Variants in CLMP observed in about 807,000 individuals in gnomAD.
CLMP encodes the protein CXADR like cell adhesion molecule, also known as CXADR-like membrane protein.
CLMP carries 27 observed loss-of-function variants against 45.2 expected under a neutral mutation model. The observed-to-expected ratio is 0.60, with a 90% CI of 0.44 to 0.82. CLMP has a LOEUF of 0.82. Ranked by LOEUF, CLMP falls within the 40% of genes least tolerant of loss-of-function variation. CLMP has a pLI of 0.00. For missense variants in CLMP, 403 were observed against 448.4 expected (o/e 0.90, Z 0.91); for synonymous variants, 167 against 171.4 (o/e 0.97, Z 0.20).
At chr11:123,077,790 G>A (rs1296394243) in intron 5 of CLMP, among the ~76,000 whole-genome samples, 1 of 152,262 alleles carries the variant, frequency 6.6e-6, no homozygotes, top group South Asian at 2.1e-4. Context: ...TGGAAATTTA[G>A]GTCACTTTCA....
intron 1 of CLMP, among the ~76,000 whole-genome samples, chr11:123,189,236 G>A: frequency 6.6e-6 from 1 of 152,098 alleles, no homozygotes. Flanking sequence ...CTCTGCTTCA[G>A]CCTGATCCAC....
At chr11:123,190,132 G>T (rs986406116) in intron 1 of CLMP, among the ~76,000 whole-genome samples, 1 of 152,142 alleles carries the variant, frequency 6.6e-6, no homozygotes, top group Middle Eastern at 3.2e-3. Flanking sequence ...TTAAGATGAG[G>T]TCCTTTTGGT....
At chr11:123,148,418 T>C (rs1361752405) in intron 1 of CLMP, among the ~76,000 whole-genome samples, 1 of 152,220 alleles carries the variant, frequency 6.6e-6, no homozygotes, top group Non-Finnish European at 1.5e-5. Context: ...CATGCAAGAA[T>C]GTACCTGCCT....
intron 1 of CLMP, among the ~76,000 whole-genome samples, chr11:123,137,966 T>G (rs1861102971): frequency 1.3e-5 from 2 of 152,116 alleles, no homozygotes; most frequent in South Asian, 4.1e-4. Flanking sequence ...TTTTATTTTT[T>G]TTTTAATTTG....
At chr11:123,101,950 A>G (rs1416942281) in intron 1 of CLMP, among the ~76,000 whole-genome samples, 1 of 152,176 alleles carries the variant, frequency 6.6e-6, no homozygotes, top group African/African-American at 2.4e-5. Flanking sequence ...TTGGGAGGCC[A>G]GAGTGGGTGG....
intron 1 of CLMP, among the ~76,000 whole-genome samples, chr11:123,143,520 G>A (rs1391318701): frequency 6.7e-6 from 1 of 148,598 alleles, no homozygotes; most frequent in Admixed American, 6.8e-5. Context: ...CCTATGGGGG[G>A]CGGGGGGGGC....
intron 2 of CLMP, among the ~76,000 whole-genome samples, chr11:123,085,493 C>A (rs957357513): frequency 5.3e-5 from 8 of 151,602 alleles, no homozygotes; most frequent in African/African-American, 1.9e-4. Flanking sequence ...AGGTGATCCA[C>A]CCTCCTTGGC....
chr11:123,188,003 C>T (rs1861855701), intron 1 of CLMP, among the ~76,000 whole-genome samples: 1 of 152,244 alleles, frequency 6.6e-6, no homozygotes, highest in Admixed American at 6.5e-5. Context: ...GCAGCCAGCA[C>T]ATAATGAAGC....
Position 123,195,002 on chromosome 11 carries a change from C to A in CLMP, c.-62G>T, listed in dbSNP as rs1443394561. ...GCTGCTTGGCTCCGGGGCGGCCGGG[C>A]GCCTCCGACGGACCTCGGGCGAGCT... On this transcript the variant is annotated 5_prime_UTR_variant, in exon 1 of 7. Coordinates refer to ENST00000448775, the MANE Select transcript of CLMP (RefSeq NM_024769.5). The A allele has an allele frequency of 1.0e-5, 16 of 1,555,944 alleles. No homozygotes were observed. The highest frequency in any genetic ancestry group is 2.5e-5 in the East Asian group (1 of 40,514).
intron 1 of CLMP, among the ~76,000 whole-genome samples, chr11:123,110,543 C>T (rs936763571): frequency 6.6e-6 from 1 of 151,884 alleles, no homozygotes; most frequent in African/African-American, 2.4e-5. Context: ...TGCTGGAACT[C>T]AGGAAGTGCA....
chr11:123,111,795 A>G lies in CLMP; in HGVS notation c.29-13843T>C, dbSNP rs573310105. Among the ~76,000 whole-genome samples, 106 of 152,358 alleles carry G rather than the reference A, an allele frequency of 7.0e-4. 1 individual carries two copies. The South Asian group carries it at 7.7e-3, about 11-fold the overall frequency. On this transcript the variant is annotated intron_variant, in intron 1 of 6. Coordinates refer to ENST00000448775, the MANE Select transcript of CLMP (RefSeq NM_024769.5). ...AATGAAAATCTTAGAAAATACGGTTAGGCATTTGAGAGGAACTTTTCCCAG... is the reference window on the plus strand; with the variant it reads ...AATGAAAATCTTAGAAAATACGGTTGGGCATTTGAGAGGAACTTTTCCCAG...
At chr11:123,076,506 T>C (rs1279054190) in intron 5 of CLMP, among the ~76,000 whole-genome samples, 1 of 152,130 alleles carries the variant, frequency 6.6e-6, no homozygotes, top group African/African-American at 2.4e-5. Flanking sequence ...AGAGGGGTAA[T>C]GGAGGGATAC....
In CLMP at chr11:123,175,705, A is replaced by T. The variant is rs142520779; in HGVS notation, c.28+19208T>A. ...AATTATTATTTATTTGAGGCATTGC[A>T]TTGGTTGACAAAGGCTGCAAGCTTA... On this transcript the variant is annotated intron_variant, in intron 1 of 6. Transcript: ENST00000448775. Among the ~76,000 whole-genome samples the T allele has an allele frequency of 3.1e-3, 469 of 152,320 alleles. 3 individuals are homozygous for T. The highest frequency in any genetic ancestry group is 0.011 in the African/African-American group (456 of 41,568).
rs990581893 is a variant in CLMP at position 123,070,224 on chromosome 11, T to C, written c.*3250A>G. 6.6e-6 allele frequency: 1 copy of C among 152,226 alleles called. No homozygotes were observed. Among genetic ancestry groups the C allele is most frequent in the Non-Finnish European group, 1.5e-5 (1 of 68,016 alleles). 9.4% of individuals were successfully genotyped at this position (152,226 alleles called of 1,614,324 possible). On this transcript the variant is annotated 3_prime_UTR_variant, in exon 7 of 7. Coordinates refer to ENST00000448775, the MANE Select transcript of CLMP (RefSeq NM_024769.5). Reference sequence around the variant, plus strand: ...TCTTCTACTATTCGGTTATTTCTCCTTTTTTTGTTTCCTATTTCAGAATCA... The same window carrying C: ...TCTTCTACTATTCGGTTATTTCTCCCTTTTTTGTTTCCTATTTCAGAATCA...
chr11:123,140,168 A>T (rs1398167918), intron 1 of CLMP, among the ~76,000 whole-genome samples: 1 of 152,182 alleles, frequency 6.6e-6, no homozygotes, highest in Non-Finnish European at 1.5e-5. Context: ...ACTCTGGCTT[A>T]ATGTGGGATG....
chr11:123,134,394 C>T (rs1861038286), intron 1 of CLMP, among the ~76,000 whole-genome samples: 1 of 152,074 alleles, frequency 6.6e-6, no homozygotes, highest in Non-Finnish European at 1.5e-5. Flanking sequence ...CCATCTTTAA[C>T]AAGTATTATG....
intron 1 of CLMP, among the ~76,000 whole-genome samples, chr11:123,164,791 T>A (rs558684826): frequency 4.6e-5 from 7 of 152,276 alleles, no homozygotes; most frequent in African/African-American, 1.7e-4. Context: ...CTCAATAAAG[T>A]AAGTGCTCAA....
At chr11:123,119,360 G>A (rs1056103377) in intron 1 of CLMP, among the ~76,000 whole-genome samples, 7 of 152,080 alleles carry the variant, frequency 4.6e-5, no homozygotes, top group Admixed American at 3.9e-4. Context: ...TGGGATTACA[G>A]GCATTATTCA....
rs146894371 is a variant in CLMP, at chr11:123,142,990, G to T, written c.29-45038C>A. Among the ~76,000 whole-genome samples the T allele has an allele frequency of 1.1e-4, 17 of 152,282 alleles. 2 individuals are homozygous for T. The highest frequency in any genetic ancestry group is 3.9e-4 in the African/African-American group (16 of 41,556). ...TGAGCCCATGATTTCTTCTTGCCAGGCCAAAGTCTCATGTCTCATCTCTGA... is the reference window on the plus strand; with the variant it reads ...TGAGCCCATGATTTCTTCTTGCCAGTCCAAAGTCTCATGTCTCATCTCTGA... On this transcript the variant is annotated intron_variant, in intron 1 of 6. Coordinates refer to ENST00000448775, the MANE Select transcript of CLMP (RefSeq NM_024769.5).
Sources: gnomAD v4.1 joint callset for allele counts (sites outside exome capture counted in the v4.1 genomes callset) on GRCh38, gnomAD v4.1.1 for gene constraint, MANE v1.5 for transcripts, NCBI Gene and HGNC (gene_info 2026-07-23, HGNC 2026-07-21) for gene names.